PSD3: variants seen among roughly 807,000 people sequenced by gnomAD.
PSD3 encodes the protein pleckstrin and Sec7 domain containing 3.
In PSD3, 49 loss-of-function variants were observed where a neutral mutation model predicts 105.5. The observed-to-expected ratio is 0.46, with a 90% CI of 0.37 to 0.59. The LOEUF is 0.59. Among genes scored for constraint, PSD3 ranks in the 20% least tolerant of loss-of-function variants. The pLI, the probability that PSD3 is intolerant of heterozygous loss-of-function variation, is 0.00. For synonymous variants in PSD3, 557 were observed against 457.8 expected, an observed-to-expected ratio of 1.22 and a Z score of -2.77; for missense variants, 1,561 against 1,263.8, an observed-to-expected ratio of 1.24 and a Z score of -3.57.
chr8:18,989,315 T>G (rs951831042), intron 1 of PSD3: 7 of 152,242 alleles, frequency 4.6e-5, no homozygotes, highest in African/African-American at 1.7e-4. Flanking sequence ...AGATTTCTTC[T>G]GCTTTCAGTC....
rs915757599 is a variant in PSD3, at chr8:18,616,631, T to TTC, written c.2410+15981_2410+15982insGA. 1.4e-4 allele frequency among the ~76,000 whole-genome samples: 18 copies of TTC among 132,090 alleles called. 1 individual carries two copies. The highest frequency in any genetic ancestry group is 3.9e-4 in the African/African-American group (14 of 36,120). The allele number at this position is 132,090 out of a possible 152,430, so 86.7% of individuals were successfully genotyped here. ...TCATCTTCCTCTCTTTTCTTTTCTT[T>TTC]TTTTTTTTTTGAGACGGAGTCTCGC... On this transcript the variant is annotated intron_variant, in intron 11 of 15. Transcript: ENST00000327040.
At chr8:18,779,249 G>C (rs1019584248) in intron 8 of PSD3, among the ~76,000 whole-genome samples, 1 of 152,014 alleles carries the variant, frequency 6.6e-6, no homozygotes, top group African/African-American at 2.4e-5. Flanking sequence ...AGTTGTTCAC[G>C]ATAGTCTCTA....
intron 8 of PSD3, among the ~76,000 whole-genome samples, chr8:18,767,095 A>T (rs1011131679): frequency 6.6e-6 from 1 of 152,224 alleles, no homozygotes; most frequent in African/African-American, 2.4e-5. Flanking sequence ...AACGTACAGG[A>T]AAGTGTGAGA....
At chr8:18,809,857 AAAAAC>A (rs1278327311) in intron 4 of PSD3, among the ~76,000 whole-genome samples, 1 of 152,120 alleles carries the variant, frequency 6.6e-6, no homozygotes, top group Non-Finnish European at 1.5e-5. Context: ...TAAATACAAA[AAAAAC>A]AAAACAAAAA....
Position 18,865,274 on chromosome 8 carries a change from A to T in PSD3, c.1634+2400T>A, listed in dbSNP as rs1586265574. On this transcript the variant is annotated intron_variant, in intron 4 of 15. Transcript: ENST00000327040. ...TATATATATATATATATATATATAT[A>T]TATATATATATATTTTTTTTTTTTT... The T allele has an allele frequency of 3.4e-3, 7 of 2,054 alleles. 2 individuals carry two copies. The highest frequency in any genetic ancestry group is 5.1e-3 in the Non-Finnish European group (6 of 1,180). 0.1% of individuals were successfully genotyped at this position (2,054 alleles called of 1,614,324 possible).
chr8:18,892,548 T>C (rs777069115), intron 2 of PSD3, among the ~76,000 whole-genome samples: 45 of 151,832 alleles, frequency 3.0e-4, no homozygotes, highest in Non-Finnish European at 5.4e-4. Flanking sequence ...GAACACACGA[T>C]GTATCATCAG....
chr8:18,972,483 A>G (rs1224342105), intron 1 of PSD3, among the ~76,000 whole-genome samples: 1 of 152,204 alleles, frequency 6.6e-6, no homozygotes, highest in Non-Finnish European at 1.5e-5. Flanking sequence ...CCCCGGAACA[A>G]GTTTCACAAC....
At chr8:18,844,530 C>G (rs1051710242) in intron 4 of PSD3, among the ~76,000 whole-genome samples, 1 of 152,028 alleles carries the variant, frequency 6.6e-6, no homozygotes, top group African/African-American at 2.4e-5. Context: ...TCTTATTGTT[C>G]TCTACCCTTG....
intron 4 of PSD3, among the ~76,000 whole-genome samples, chr8:18,847,246 G>A (rs1316735596): frequency 6.6e-6 from 1 of 152,184 alleles, no homozygotes; most frequent in South Asian, 2.1e-4. Flanking sequence ...CTGTCCTGGT[G>A]CTTCCCTTCC....
In PSD3 at chr8:18,635,548, G is replaced by A. The variant is rs141489587; in HGVS notation, c.2217-2742C>T. Among the ~76,000 whole-genome samples, 753 of 152,062 alleles carry A rather than the reference G, an allele frequency of 5.0e-3. 4 individuals are homozygous for A. Among genetic ancestry groups the A allele is most frequent in the Non-Finnish European group, 7.4e-3 (503 of 67,988 alleles). On this transcript the variant is annotated intron_variant, in intron 10 of 15. Transcript: ENST00000327040. ...CTATTTATTAAAAAAAAAGTTAACTGTAAAACAGCCTCAGGCAGGTCTTTC... is the reference window on the plus strand; with the variant it reads ...CTATTTATTAAAAAAAAAGTTAACTATAAAACAGCCTCAGGCAGGTCTTTC...
chr8:19,037,777 G>A (rs538361328), intron 1 of PSD3, among the ~76,000 whole-genome samples: 1 of 152,020 alleles, frequency 6.6e-6, no homozygotes, highest in South Asian at 2.1e-4. Context: ...TCAGACCTTC[G>A]GACTTGGACT....
In PSD3 at chr8:18,872,271, G is replaced by C; in HGVS notation, c.593C>G (p.Pro198Arg). The C allele has an allele frequency of 6.2e-7, 1 of 1,614,202 alleles. No homozygotes were observed. The highest frequency in any genetic ancestry group is 1.1e-5 in the South Asian group (1 of 91,086). The change falls in exon 3 of 16, where the codon CCT becomes CGT. Residue 198 changes from proline (P) to arginine (R), a missense_variant. Coordinates refer to ENST00000327040, the MANE Select transcript of PSD3 (RefSeq NM_015310.4). ...CTCCGTTGTTACTTCAGCTGAAAGA[G>C]GTATTTCTGGTAAATTTTTTTGGCC... The part of the protein sequence containing the change: ...PAGQKNLPEI[P>R]LSAEVTTEES...
At chr8:18,923,329 A>G (rs1055840907) in intron 2 of PSD3, among the ~76,000 whole-genome samples, 2 of 152,196 alleles carry the variant, frequency 1.3e-5, no homozygotes, top group African/African-American at 4.8e-5. Context: ...AGGTAGCCCC[A>G]TTCTAAAGCC....
rs773102019 is a variant in PSD3, at chr8:18,936,105, T to C, written c.59A>G (p.His20Arg). ...TFVWVNNASA[H>R]SQSVAKAKYE... ...TTTGGCCTTGGCAACACTCTGGGAA[T>C]GTGCAGATGCATTGTTCACCCAAAC... The change falls in exon 2 of 16, where the codon CAT becomes CGT. Residue 20 changes from histidine to arginine, a missense_variant. Transcript: ENST00000327040. 2.5e-6 allele frequency: 4 copies of C among 1,613,342 alleles called. No individual in the cohort carries two copies. Among genetic ancestry groups the C allele is most frequent in the East Asian group, 2.2e-5 (1 of 44,870 alleles).
At chr8:18,953,335 T>C (rs1394362113) in intron 1 of PSD3, among the ~76,000 whole-genome samples, 3 of 152,114 alleles carry the variant, frequency 2.0e-5, no homozygotes, top group African/African-American at 4.8e-5. Flanking sequence ...TGTGTGTGTA[T>C]GTACATACAT....
intron 4 of PSD3, chr8:18,849,810 G>C (rs919406608): frequency 6.6e-6 from 1 of 152,160 alleles, no homozygotes; most frequent in Non-Finnish European, 1.5e-5. Flanking sequence ...AAGGTAAACT[G>C]TTTCAACCAG....
At chr8:18,731,999 T>C (rs565508325) in intron 9 of PSD3, among the ~76,000 whole-genome samples, 2 of 152,308 alleles carry the variant, frequency 1.3e-5, no homozygotes, top group South Asian at 4.1e-4. Flanking sequence ...AGTCATCTTT[T>C]TTCCACTGTT....
chr8:18,887,435 T>C (rs946758023), intron 2 of PSD3, among the ~76,000 whole-genome samples: 1 of 152,202 alleles, frequency 6.6e-6, no homozygotes, highest in Non-Finnish European at 1.5e-5. Context: ...TTTTTAAATA[T>C]GAAGCCATAA....
At chr8:18,897,348 C>A (rs999379835) in intron 2 of PSD3, among the ~76,000 whole-genome samples, 5 of 152,002 alleles carry the variant, frequency 3.3e-5, no homozygotes, top group Admixed American at 6.6e-5. Flanking sequence ...TTTCTGGGTT[C>A]TATATTCTGT....
Sources: allele counts gnomAD v4.1 joint callset (sites outside exome capture counted in the v4.1 genomes callset), GRCh38; gene constraint gnomAD v4.1.1; transcripts MANE v1.5; gene names NCBI Gene and HGNC (gene_info 2026-07-23, HGNC 2026-07-21).